Variants in RABL6 observed in about 807,000 individuals in gnomAD.
RABL6 encodes rab-like protein 6.
RABL6 carries 28 observed loss-of-function variants against 72.9 expected under a neutral mutation model. That is an observed-to-expected ratio of 0.38 (90% CI 0.28 to 0.53). The LOEUF is 0.53. RABL6 is among the 20% of genes least tolerant of loss of function. The pLI, the probability that RABL6 is intolerant of heterozygous loss-of-function variation, is 0.80. For missense variants in RABL6, 1,029 were observed against 1,008.4 expected (o/e 1.02, Z -0.28); for synonymous variants, 477 against 421.2 (o/e 1.13, Z -1.62).
intron 1 of RABL6, chr9:136,821,701 G>C: frequency 9.8e-7 from 1 of 1,017,820 alleles, no homozygotes. Flanking sequence ...GCTGCGCTGA[G>C]CGCCTGCGGC....
Position 136,813,715 on chromosome 9 carries a change from G to A in RABL6, c.130+5389G>A, listed in dbSNP as rs146304810. On this transcript the variant is annotated intron_variant, in intron 1 of 14. Coordinates refer to ENST00000311502, the MANE Select transcript of RABL6 (RefSeq NM_024718.5). The stretch of plus-strand genomic sequence containing the variant: ...ACTGCAAGCTCCACCTCCCAAGTTT[G>A]CGCCATTTTCCTGCCTCAGCCTCCC... 470 of 191,598 alleles carry A rather than the reference G, an allele frequency of 2.5e-3. 1 individual carries two copies. The highest frequency in any genetic ancestry group is 6.5e-3 in the Middle Eastern group (3 of 464). 11.9% of individuals were successfully genotyped at this position (191,598 alleles called of 1,614,324 possible). A position where few individuals can be genotyped will look rare whatever the true frequency, so the allele number is the denominator to read the frequency against.
At chr9:136,821,455 G>A in intron 1 of RABL6, 1 of 985,452 alleles carries the variant, frequency 1.0e-6, no homozygotes, top group Non-Finnish European at 1.2e-6. Flanking sequence ...GGACCTCGGG[G>A]CCGCGGGACG....
rs747295518 is a variant in RABL6, at chr9:136,839,693, GGATGACTTTCCCGTGCGA to G, written c.1765_1782del (p.Phe589_Asp594del). 6.3e-7 allele frequency: 1 copy of G among 1,579,360 alleles called. No individual in the cohort carries two copies. The highest frequency in any genetic ancestry group is 2.2e-5 in the East Asian group (1 of 44,456). ...CTGACCAGTTGCTCTCCCTGCTCCA[GGATGACTTTCCCGTGCGA>G]GATGACCCCTCCGATGTGACTGACG... On this transcript the variant is annotated inframe_deletion and splice_region_variant, in exon 13 of 15. Coordinates refer to ENST00000311502, the MANE Select transcript of RABL6 (RefSeq NM_024718.5).
chr9:136,821,815 G>C, intron 1 of RABL6: 1 of 1,183,038 alleles, frequency 8.5e-7, no homozygotes, highest in Non-Finnish European at 1.1e-6. Context: ...GGAGGGGAAC[G>C]AGGGCCCAGC....
chr9:136,839,885 T>G lies in RABL6; in HGVS notation c.1930+20T>G. On this transcript the variant is annotated intron_variant, in intron 13 of 14. Coordinates refer to ENST00000311502, the MANE Select transcript of RABL6 (RefSeq NM_024718.5). Reference sequence around the variant, plus strand: ...AGGAAGGTGGGTGGGGGCACCAGAGTGCGGTCAGCCTGCTGGAGTTTGGGT... The same window carrying G: ...AGGAAGGTGGGTGGGGGCACCAGAGGGCGGTCAGCCTGCTGGAGTTTGGGT... 1 of 1,606,152 alleles carries G rather than the reference T, an allele frequency of 6.2e-7. No homozygotes were observed. Among genetic ancestry groups the G allele is most frequent in the South Asian group, 1.1e-5 (1 of 90,454 alleles).
At chr9:136,829,558 G>A (rs1318021352) in intron 5 of RABL6, 74 bp downstream of exon 5, 5 of 1,296,384 alleles carry the variant, frequency 3.9e-6, no homozygotes, top group Non-Finnish European at 5.5e-6. Flanking sequence ...TCTTTGTGCA[G>A]CAGATAATGG....
Position 136,839,147 on chromosome 9 carries a change from C to T in RABL6, c.1493+26C>T, listed in dbSNP as rs375670655. The T allele has an allele frequency of 3.8e-4, 609 of 1,607,882 alleles. 2 individuals are homozygous for T. The African/African-American group carries it at 4.7e-3, about 13-fold the overall frequency. On this transcript the variant is annotated intron_variant, in intron 11 of 14. Coordinates refer to ENST00000311502, the MANE Select transcript of RABL6 (RefSeq NM_024718.5). The stretch of plus-strand genomic sequence containing the variant: ...GTAAGGGCAGGTGTCCCCACGGGTG[C>T]GGCCTGGAGACCCGGGTGGGGCAGT...
At chr9:136,824,284 G>C (rs1193416913) in intron 2 of RABL6, among the ~76,000 whole-genome samples, 1 of 150,030 alleles carries the variant, frequency 6.7e-6, no homozygotes, top group African/African-American at 2.5e-5. Flanking sequence ...CTTGGGGCTG[G>C]TTTTTTTGTT....
At chr9:136,819,491 C>T (rs1375396581) in intron 1 of RABL6, among the ~76,000 whole-genome samples, 2 of 152,014 alleles carry the variant, frequency 1.3e-5, no homozygotes, top group Admixed American at 6.6e-5. Context: ...ATGTGAGATT[C>T]GAGGAATTTT....
At chr9:136,828,654 T>G in intron 4 of RABL6, 108 bp downstream of exon 4, 4 of 1,213,156 alleles carry the variant, frequency 3.3e-6, no homozygotes, top group Non-Finnish European at 4.7e-6. Context: ...AGTTATGCTG[T>G]GGCCACGGGG....
At chr9:136,811,302 A>C (rs1848006160) in intron 1 of RABL6, among the ~76,000 whole-genome samples, 1 of 152,114 alleles carries the variant, frequency 6.6e-6, no homozygotes, top group Non-Finnish European at 1.5e-5. Context: ...GGGGGCTTCC[A>C]GGTCGGAGGT....
chr9:136,827,058 GC>G (rs1848375132), intron 3 of RABL6: 1 of 152,402 alleles, frequency 6.6e-6, no homozygotes, highest in Non-Finnish European at 1.5e-5. Context: ...TGCAGAGGCC[GC>G]CTGGCCCTGG....
At position 136,808,260 on chromosome 9, in the gene RABL6, C is replaced by T. The variant is rs1214501221; in HGVS notation, c.64C>T (p.Pro22Ser). 1.9e-6 allele frequency: 3 copies of T among 1,566,308 alleles called. No homozygotes were observed. Among genetic ancestry groups the T allele is most frequent in the African/African-American group, 2.8e-5 (2 of 70,890 alleles). Residue 22 changes from proline to serine, a missense_variant, in exon 1 of 15, where the codon CCC becomes TCC. Coordinates refer to ENST00000311502, the MANE Select transcript of RABL6 (RefSeq NM_024718.5). ...GGCCCCGGGCCGGGACAAGAACATC[C>T]CCGCCGGGCTGCAGTCCATGAACCA... ...DQAPGRDKNI[P>S]AGLQSMNQAL...
chr9:136,837,615 G>A lies in RABL6; in HGVS notation c.1079G>A (p.Arg360Lys). Reference protein sequence around the residue: ...APAPRRSIISRLFGTSPATEA... With the variant: ...APAPRRSIISKLFGTSPATEA... ...GCCCCACGGCGCAGCATCATCTCTA[G>A]GCTGTTTGGGACGTCACCTGCCACC... Residue 360 changes from arginine to lysine, a missense_variant, in exon 9 of 15, where the codon AGG (arginine) becomes AAG (lysine). Arg to Lys is a conservative substitution (Grantham distance 26). Around this residue, in one of 2 missense-constraint regions of RABL6, gnomAD observed 434 missense variants for 536.1 expected, o/e 0.81. Transcript: ENST00000311502. 1 of 1,597,978 alleles carries A rather than the reference G, an allele frequency of 6.3e-7. No homozygotes were observed. Among genetic ancestry groups the A allele is most frequent in the Non-Finnish European group, 8.5e-7 (1 of 1,174,056 alleles).
In RABL6 at chr9:136,832,042, T is replaced by C. The variant is rs1848488475; in HGVS notation, c.599+181T>C. 5.7e-6 allele frequency: 6 copies of C among 1,049,766 alleles called. No individual in the cohort carries two copies. The East Asian group carries it at 1.6e-4, about 27-fold the overall frequency. 65.0% of individuals were successfully genotyped at this position (1,049,766 alleles called of 1,614,324 possible). On this transcript the variant is annotated intron_variant, in intron 6 of 14. Transcript: ENST00000311502. ...TCCCCGATGGCAGGGCCGGGAACTGTGTGCTGGGGAACTGTGTGCCAGGGT... is the reference window on the plus strand; with the variant it reads ...TCCCCGATGGCAGGGCCGGGAACTGCGTGCTGGGGAACTGTGTGCCAGGGT...
At chr9:136,827,209 C>T (rs957913280) in intron 3 of RABL6, 5 of 152,356 alleles carry the variant, frequency 3.3e-5, no homozygotes, top group African/African-American at 7.2e-5. Flanking sequence ...CTTCCATCCC[C>T]GCCCTGACTC....
At position 136,822,057 on chromosome 9, in the gene RABL6, G is replaced by T. The variant is rs1422859269; in HGVS notation, c.131-1468G>T. On this transcript the variant is annotated intron_variant, in intron 1 of 14. Coordinates refer to ENST00000311502, the MANE Select transcript of RABL6 (RefSeq NM_024718.5). ...GGAGAAGAAATGACTGTGGGAACAG[G>T]TGCCTTGAGGTAGAGGGAGGGGACT... The T allele has an allele frequency of 6.2e-6, 8 of 1,289,478 alleles. No homozygotes were observed. The Admixed American group carries it at 1.8e-4, about 30-fold the overall frequency. 79.9% of individuals were successfully genotyped at this position (1,289,478 alleles called of 1,614,324 possible).
chr9:136,821,749 G>T lies in RABL6; in HGVS notation c.131-1776G>T, dbSNP rs377433053. 1.2e-4 allele frequency: 134 copies of T among 1,144,824 alleles called. No homozygotes were observed. The South Asian group carries it at 2.1e-3, about 18-fold the overall frequency. 70.9% of individuals were successfully genotyped at this position (1,144,824 alleles called of 1,614,324 possible). A position where few individuals can be genotyped will look rare whatever the true frequency, so the allele number is the denominator to read the frequency against. Reference sequence around the variant, plus strand: ...TGCTGTGCTCTCCACAGGCCGGGCCGCCGGGCTGGAGGGCGCTGCAGGCGG... The same window carrying T: ...TGCTGTGCTCTCCACAGGCCGGGCCTCCGGGCTGGAGGGCGCTGCAGGCGG... On this transcript the variant is annotated intron_variant, in intron 1 of 14. Transcript: ENST00000311502.
rs771039241 is a variant in RABL6 at position 136,837,452 on chromosome 9, G to A, written c.916G>A (p.Ala306Thr). The A allele has an allele frequency of 3.9e-5, 61 of 1,565,564 alleles. No individual in the cohort carries two copies. In the East Asian group the frequency reaches 1.0e-3, roughly 27 times the overall value. Residue 306 changes from alanine to threonine, a missense_variant, in exon 9 of 15, where the codon GCT (alanine) becomes ACT (threonine). By Grantham distance (58) the Ala-to-Thr change is moderately conservative (BLOSUM62 0). This residue lies in a region of RABL6 where 434 missense variants were observed against 536.1 expected (regional missense o/e 0.81). Transcript: ENST00000311502. The part of the protein sequence containing the change: ...GSQSPVVPAG[A>T]VSTGSSSPGT... ...CCAGTCACCAGTGGTGCCTGCAGGC[G>A]CTGTGTCCACGGGGAGCTCCAGCCC... is the stretch of plus-strand genomic sequence containing the variant.
Sources: gnomAD v4.1 joint callset for allele counts (sites outside exome capture counted in the v4.1 genomes callset) on GRCh38, gnomAD v4.1.1 for gene constraint, gnomAD v4.1.1 regional missense constraint, MANE v1.5 for transcripts, NCBI Gene and HGNC (gene_info 2026-07-23, HGNC 2026-07-21) for gene names.